The following RMDN2 variants were observed in gnomAD, a reference collection of about 807,000 sequenced individuals.
RMDN2 encodes the protein regulator of microtubule dynamics 2, also known as regulator of microtubule dynamics protein 2.
A neutral mutation model predicts 52.8 loss-of-function variants in RMDN2; 61 were observed. That is an observed-to-expected ratio of 1.16 (90% CI 0.94 to 1.43). RMDN2 has a LOEUF of 1.43. Ranked by LOEUF, RMDN2 falls within the 40% of genes most tolerant of loss-of-function variation. RMDN2 has a pLI of 0.00. For missense variants in RMDN2, 592 were observed against 475.3 expected, an observed-to-expected ratio of 1.25 and a Z score of -2.28; for synonymous variants, 180 against 153.1, an observed-to-expected ratio of 1.18 and a Z score of -1.30.
intron 5 of RMDN2, among the ~76,000 whole-genome samples, chr2:37,983,893 A>G (rs1255642729): frequency 6.6e-6 from 1 of 152,194 alleles, no homozygotes; most frequent in Non-Finnish European, 1.5e-5. Flanking sequence ...CTGTTTTTGT[A>G]AATAAAGTTT....
chr2:37,946,655 A>G (rs759426216), intron 2 of RMDN2, among the ~76,000 whole-genome samples: 1 of 152,196 alleles, frequency 6.6e-6, no homozygotes, highest in African/African-American at 2.4e-5. Flanking sequence ...ATTACTCAGG[A>G]GGTGGTTGCC....
chr2:37,946,497 C>T (rs772299738), intron 2 of RMDN2, among the ~76,000 whole-genome samples: 19 of 152,256 alleles, frequency 1.2e-4, no homozygotes, highest in Non-Finnish European at 2.4e-4. Flanking sequence ...CTGTGGTGTT[C>T]CCAGTGCTTT....
intron 8 of RMDN2, chr2:38,002,826 T>C (rs1043396005): frequency 6.6e-6 from 1 of 152,264 alleles, no homozygotes; most frequent in African/African-American, 2.4e-5. Context: ...AGGATATTTT[T>C]GTAAATTTTT....
chr2:38,049,517 G>T (rs1681464448), intron 10 of RMDN2, among the ~76,000 whole-genome samples: 1 of 152,138 alleles, frequency 6.6e-6, no homozygotes. Flanking sequence ...TCAAACACTA[G>T]ATTTTCATAT....
intron 10 of RMDN2, among the ~76,000 whole-genome samples, chr2:38,051,507 CCTTT>C (rs1428867485): frequency 6.6e-6 from 1 of 152,102 alleles, no homozygotes; most frequent in Non-Finnish European, 1.5e-5. Flanking sequence ...TATCCAATCA[CCTTT>C]AACATTTGTC....
intron 10 of RMDN2, among the ~76,000 whole-genome samples, chr2:38,033,858 T>G (rs1474504916): frequency 6.6e-6 from 1 of 152,212 alleles, no homozygotes; most frequent in Non-Finnish European, 1.5e-5. Context: ...AAACCACAGT[T>G]AGCCTGGGAA....
chr2:37,977,324 C>G (rs886964246), intron 4 of RMDN2, among the ~76,000 whole-genome samples: 3 of 152,370 alleles, frequency 2.0e-5, no homozygotes, highest in Admixed American at 2.0e-4. Flanking sequence ...CCGCCATCGT[C>G]ATCATGGCCC....
chr2:37,932,921 C>T (rs1318801446), intron 2 of RMDN2, among the ~76,000 whole-genome samples: 5 of 151,308 alleles, frequency 3.3e-5, no homozygotes, highest in African/African-American at 9.7e-5. Context: ...GGGCTGACCC[C>T]CCCACCTCCC....
chr2:38,058,460 C>T (rs903208504), intron 10 of RMDN2, among the ~76,000 whole-genome samples: 2 of 152,188 alleles, frequency 1.3e-5, no homozygotes, highest in African/African-American at 4.8e-5. Flanking sequence ...TGTTAGCCCT[C>T]ATCAGCTTTT....
At chr2:37,955,354 G>A (rs898889639) in intron 2 of RMDN2, among the ~76,000 whole-genome samples, 26 of 152,044 alleles carry the variant, frequency 1.7e-4, no homozygotes, top group African/African-American at 1.7e-4. Context: ...TTAATATGTC[G>A]AAGCAGTTAA....
intron 2 of RMDN2, among the ~76,000 whole-genome samples, chr2:37,943,711 A>T (rs1420900266): frequency 6.6e-6 from 1 of 152,138 alleles, no homozygotes; most frequent in Non-Finnish European, 1.5e-5. Context: ...GCTCCATTCT[A>T]TTATATATGC....
In RMDN2 at chr2:37,981,820, C is replaced by G. The variant is rs535199556; in HGVS notation, c.791+477C>G. On this transcript the variant is annotated intron_variant, in intron 5 of 10. Coordinates refer to ENST00000354545, the MANE Select transcript of RMDN2 (RefSeq NM_001170791.3). ...AGTTAGATTGGTATAGGTAAATATCCTTAGAGCAAAAAAAAAATCATTCTT... is the reference window on the plus strand; with the variant it reads ...AGTTAGATTGGTATAGGTAAATATCGTTAGAGCAAAAAAAAAATCATTCTT... Among the ~76,000 whole-genome samples, 4 of 151,282 alleles carry G rather than the reference C, an allele frequency of 2.6e-5. No homozygotes were observed. The South Asian group carries it at 8.3e-4, about 31-fold the overall frequency.
chr2:38,009,379 T>A (rs1677606945), intron 10 of RMDN2, among the ~76,000 whole-genome samples: 1 of 152,228 alleles, frequency 6.6e-6, no homozygotes, highest in South Asian at 2.1e-4. Flanking sequence ...TTTCACATAG[T>A]CCCACATTTC....
chr2:37,962,490 G>C (rs1346041084), intron 2 of RMDN2, among the ~76,000 whole-genome samples: 1 of 152,156 alleles, frequency 6.6e-6, no homozygotes, highest in Non-Finnish European at 1.5e-5. Context: ...TGTTTACACT[G>C]TGTGGGGAAA....
chr2:38,009,865 A>G (rs1314781972), intron 10 of RMDN2, among the ~76,000 whole-genome samples: 1 of 151,834 alleles, frequency 6.6e-6, no homozygotes, highest in Non-Finnish European at 1.5e-5. Context: ...GTCTTTGATG[A>G]TGGTGACGTA....
chr2:37,979,207 C>T (rs1439602506), intron 4 of RMDN2, among the ~76,000 whole-genome samples: 1 of 151,868 alleles, frequency 6.6e-6, no homozygotes, highest in Non-Finnish European at 1.5e-5. Flanking sequence ...TGTCAAGGAA[C>T]AGTGTGAAAA....
At chr2:37,941,192 A>G (rs1667754821) in intron 2 of RMDN2, among the ~76,000 whole-genome samples, 1 of 152,212 alleles carries the variant, frequency 6.6e-6, no homozygotes, top group Non-Finnish European at 1.5e-5. Context: ...AGTCCACTGT[A>G]GACCCTGTTT....
chr2:37,957,117 C>G (rs916404336), intron 2 of RMDN2, among the ~76,000 whole-genome samples: 3 of 152,104 alleles, frequency 2.0e-5, no homozygotes, highest in African/African-American at 7.2e-5. Context: ...AATAAACATA[C>G]AGGTGTATGT....
intron 10 of RMDN2, among the ~76,000 whole-genome samples, chr2:38,026,750 CT>C (rs780301980): frequency 3.9e-5 from 6 of 152,142 alleles, no homozygotes; most frequent in African/African-American, 7.2e-5. Flanking sequence ...TATCCCTCCC[CT>C]AGTCCACTTC....
Sources: allele counts gnomAD v4.1 joint callset (sites outside exome capture counted in the v4.1 genomes callset), GRCh38; gene constraint gnomAD v4.1.1; transcripts MANE v1.5; gene names NCBI Gene and HGNC (gene_info 2026-07-23, HGNC 2026-07-21).